Variants in ZFHX3 observed in about 807,000 individuals in gnomAD.
The protein encoded by ZFHX3 is zinc finger homeobox 3.
In ZFHX3, 42 loss-of-function variants were observed where a neutral mutation model predicts 279.1. That is an observed-to-expected ratio of 0.15 (90% CI 0.12 to 0.19). The LOEUF is 0.19. Ranked by LOEUF, ZFHX3 falls within the 10% of genes least tolerant of loss-of-function variation. The pLI, the probability that ZFHX3 is intolerant of heterozygous loss-of-function variation, is 1.00. For synonymous variants in ZFHX3, 2,293 were observed against 1,957.8 expected (o/e 1.17, Z -4.52); for missense variants, 4,981 against 4,754.0 (o/e 1.05, Z -1.40).
intron 3 of ZFHX3, among the ~76,000 whole-genome samples, chr16:72,908,940 T>C (rs901279268): frequency 2.0e-5 from 3 of 152,234 alleles, no homozygotes; most frequent in Non-Finnish European, 2.9e-5. Context: ...CATCCACTAA[T>C]GAGCACTGTC....
chr16:73,848,950 G>C (rs910408284), intron 1 of ZFHX3, among the ~76,000 whole-genome samples: 26 of 152,114 alleles, frequency 1.7e-4, no homozygotes, highest in African/African-American at 6.0e-4. Context: ...AATTCCCAAG[G>C]GTTTTCTTTT....
At chr16:73,503,464 G>C (rs998826963) in intron 2 of ZFHX3, among the ~76,000 whole-genome samples, 13 of 152,130 alleles carry the variant, frequency 8.5e-5, no homozygotes, top group Non-Finnish European at 1.6e-4. Flanking sequence ...GGAGTTGACC[G>C]CACGTGTCTG....
intron 1 of ZFHX3, among the ~76,000 whole-genome samples, chr16:73,871,623 T>C (rs1262734995): frequency 6.6e-6 from 1 of 152,034 alleles, no homozygotes; most frequent in African/African-American, 2.4e-5. Flanking sequence ...TGAAATAAAT[T>C]AGTGACCAAA....
At chr16:73,137,904 G>T (rs140441809) in intron 6 of ZFHX3, among the ~76,000 whole-genome samples, 1 of 152,048 alleles carries the variant, frequency 6.6e-6, no homozygotes, top group Admixed American at 6.6e-5. Context: ...GTATTGGGGG[G>T]TGGGGGAATA....
chr16:73,694,310 G>A (rs763261798), intron 1 of ZFHX3, among the ~76,000 whole-genome samples: 4 of 152,098 alleles, frequency 2.6e-5, no homozygotes, highest in Admixed American at 6.5e-5. Context: ...GCAGCAGAGC[G>A]AGGCTATCTC....
intron 2 of ZFHX3, among the ~76,000 whole-genome samples, chr16:73,497,592 C>A (rs911224780): frequency 3.9e-5 from 6 of 152,078 alleles, no homozygotes; most frequent in African/African-American, 1.2e-4. Context: ...ATCACTTGAG[C>A]CCAGGGGGTC....
chr16:73,196,169 G>A (rs1475531666), intron 5 of ZFHX3, among the ~76,000 whole-genome samples: 1 of 145,514 alleles, frequency 6.9e-6, no homozygotes, highest in Non-Finnish European at 1.5e-5. Context: ...TTTTTTTGGA[G>A]GGGGGATGGG....
chr16:72,871,699 A>T (rs1379478732), intron 4 of ZFHX3, among the ~76,000 whole-genome samples: 1 of 145,062 alleles, frequency 6.9e-6, no homozygotes, highest in Non-Finnish European at 1.5e-5. Flanking sequence ...GTGGTTTTGA[A>T]CTCCTGACCT....
At chr16:72,925,488 C>A (rs1157568190) in intron 3 of ZFHX3, among the ~76,000 whole-genome samples, 1 of 152,228 alleles carries the variant, frequency 6.6e-6, no homozygotes, top group Non-Finnish European at 1.5e-5. Flanking sequence ...AAATGGTCCC[C>A]AACCACCGCA....
intron 3 of ZFHX3, chr16:73,420,942 A>G (rs532308591): frequency 6.6e-6 from 1 of 152,318 alleles, no homozygotes; most frequent in African/African-American, 2.4e-5. Flanking sequence ...GGCTCATTTC[A>G]TTGGAATTTT....
chr16:73,559,198 C>T (rs2020333294), intron 2 of ZFHX3, among the ~76,000 whole-genome samples: 1 of 152,104 alleles, frequency 6.6e-6, no homozygotes, highest in Non-Finnish European at 1.5e-5. Context: ...CAGACACATA[C>T]CACCATGCCC....
At chr16:73,689,380 G>A (rs1170800411) in intron 1 of ZFHX3, among the ~76,000 whole-genome samples, 1 of 152,146 alleles carries the variant, frequency 6.6e-6, no homozygotes, top group African/African-American at 2.4e-5. Context: ...TGGAGTCATT[G>A]ATTTTGCATC....
At chr16:73,181,251 C>T (rs889389513) in intron 5 of ZFHX3, among the ~76,000 whole-genome samples, 1 of 152,144 alleles carries the variant, frequency 6.6e-6, no homozygotes, top group Non-Finnish European at 1.5e-5. Context: ...CAGGCACACG[C>T]CAGCATGCCC....
intron 5 of ZFHX3, among the ~76,000 whole-genome samples, chr16:73,183,053 A>T (rs968352064): frequency 2.0e-5 from 3 of 151,978 alleles, no homozygotes; most frequent in Non-Finnish European, 4.4e-5. Flanking sequence ...AAAAATACAA[A>T]ATTTAGCGGG....
At chr16:73,070,915 TGCGCGCGC>T (rs1214080832) in intron 8 of ZFHX3, among the ~76,000 whole-genome samples, 1,248 of 90,550 alleles carry the variant, frequency 0.014, 28 homozygotes, top group African/African-American at 0.053. Flanking sequence ...TAGACCGTCT[TGCGCGCGC>T]GCGCGCGCGC....
chr16:73,062,041 G>A (rs922296986), upstream of ZFHX3: 4 of 151,656 alleles, frequency 2.6e-5, no homozygotes, highest in East Asian at 7.7e-4. Flanking sequence ...ATGCTTAGAC[G>A]ATAATCCAGC....
chr16:72,924,175 A>G (rs1234978413), intron 3 of ZFHX3, among the ~76,000 whole-genome samples: 1 of 152,224 alleles, frequency 6.6e-6, no homozygotes, highest in Non-Finnish European at 1.5e-5. Context: ...AAGCCACATA[A>G]AACAATTCAC....
intron 3 of ZFHX3, among the ~76,000 whole-genome samples, chr16:73,429,806 G>A (rs930344320): frequency 6.6e-6 from 1 of 152,132 alleles, no homozygotes; most frequent in African/African-American, 2.4e-5. Flanking sequence ...CAGCTCCCTG[G>A]GAAAACCATC....
rs78637569 is a variant in ZFHX3, at chr16:72,911,403, G to A, written c.3217-21441C>T. ...GCATGAATGAAGCGCTCAGTGACAC[G>A]GATAATCCAAGTCACTTACATTTGG... On this transcript the variant is annotated intron_variant, in intron 3 of 9. Transcript: ENST00000268489. Among the ~76,000 whole-genome samples the A allele has an allele frequency of 1.9e-3, 288 of 152,250 alleles. 1 individual carries two copies. Among genetic ancestry groups the A allele is most frequent in the African/African-American group, 6.7e-3 (280 of 41,548 alleles).
Sources: allele counts gnomAD v4.1 joint callset (sites outside exome capture counted in the v4.1 genomes callset), GRCh38; gene constraint gnomAD v4.1.1; transcripts MANE v1.5; gene names NCBI Gene and HGNC (gene_info 2026-07-23, HGNC 2026-07-21).